ATXN1: variants seen among roughly 807,000 people sequenced by gnomAD.
ATXN1 encodes ataxin 1.
In ATXN1, 8 loss-of-function variants were observed where a neutral mutation model predicts 56.4. That is an observed-to-expected ratio of 0.14 (90% confidence interval 0.08 to 0.26). ATXN1 has a LOEUF of 0.26. ATXN1 is among the 10% of genes least tolerant of loss of function. The probability of loss-of-function intolerance (pLI) is 1.00; values close to 1 mark genes in which losing one functional copy is unlikely to be tolerated. For missense variants in ATXN1, 987 were observed against 1,106.5 expected, an observed-to-expected ratio of 0.89 and a Z score of 1.53; for synonymous variants, 514 against 494.6, an observed-to-expected ratio of 1.04 and a Z score of -0.52.
At chr6:16,482,543 GA>G (rs1760460511) in intron 6 of ATXN1, among the ~76,000 whole-genome samples, 1 of 152,176 alleles carries the variant, frequency 6.6e-6, no homozygotes, top group African/African-American at 2.4e-5. Flanking sequence ...AGAAGCTTAG[GA>G]ATGAAATATG....
chr6:16,362,946 C>G (rs1761842407), intron 6 of ATXN1, among the ~76,000 whole-genome samples: 1 of 152,210 alleles, frequency 6.6e-6, no homozygotes. Context: ...AAGCACTCTT[C>G]TAGTTGCCAT....
chr6:16,717,027 T>C lies in ATXN1; in HGVS notation c.-615+36206A>G, dbSNP rs575742250. 2.6e-4 allele frequency among the ~76,000 whole-genome samples: 40 copies of C among 152,368 alleles called. 1 individual carries two copies. Among genetic ancestry groups the C allele is most frequent in the African/African-American group, 9.1e-4 (38 of 41,590 alleles). On this transcript the variant is annotated intron_variant, in intron 2 of 7. Coordinates refer to ENST00000436367, the MANE Select transcript of ATXN1 (RefSeq NM_001128164.2). The stretch of plus-strand genomic sequence containing the variant: ...AAGAGATTGCCTAGTTAGCGGTTTA[T>C]AGTAAGAACAAAATTTAGTGGATGA...
chr6:16,677,746 G>A (rs1054349882), intron 2 of ATXN1, among the ~76,000 whole-genome samples: 2 of 152,080 alleles, frequency 1.3e-5, no homozygotes, highest in Admixed American at 6.5e-5. Context: ...TGTCTTTCAC[G>A]GGATGACTAA....
chr6:16,517,439 T>G (rs1164584814), intron 5 of ATXN1, among the ~76,000 whole-genome samples: 1 of 152,180 alleles, frequency 6.6e-6, no homozygotes, highest in Non-Finnish European at 1.5e-5. Flanking sequence ...ATTACACAAG[T>G]TAATATATGC....
At chr6:16,422,457 C>A (rs1759056312) in intron 6 of ATXN1, among the ~76,000 whole-genome samples, 1 of 152,164 alleles carries the variant, frequency 6.6e-6, no homozygotes, top group African/African-American at 2.4e-5. Flanking sequence ...TTATTTACGT[C>A]CCTGCTCTTT....
intron 6 of ATXN1, among the ~76,000 whole-genome samples, chr6:16,441,635 T>C (rs1759518647): frequency 6.6e-6 from 1 of 151,018 alleles, no homozygotes; most frequent in Non-Finnish European, 1.5e-5. Context: ...CATTCAGAAA[T>C]GAAGTGATTG....
chr6:16,313,123 G>A (rs141880614), intron 7 of ATXN1, among the ~76,000 whole-genome samples: 357 of 152,210 alleles, frequency 2.3e-3, no homozygotes, highest in African/African-American at 8.0e-3. Flanking sequence ...TAGGTGATCC[G>A]CCTGCCTTGG....
intron 2 of ATXN1, among the ~76,000 whole-genome samples, chr6:16,680,471 TA>T (rs1399926001): frequency 6.6e-6 from 1 of 152,130 alleles, no homozygotes; most frequent in Non-Finnish European, 1.5e-5. Context: ...CCGGGAGGAT[TA>T]ACAAACTGAG....
At chr6:16,450,437 T>C (rs532235442) in intron 6 of ATXN1, among the ~76,000 whole-genome samples, 1 of 152,322 alleles carries the variant, frequency 6.6e-6, no homozygotes, top group South Asian at 2.1e-4. Flanking sequence ...CCAGTGATAA[T>C]GTAGCTCCCA....
chr6:16,458,606 A>G (rs544009578), intron 6 of ATXN1, among the ~76,000 whole-genome samples: 1 of 152,298 alleles, frequency 6.6e-6, no homozygotes, highest in African/African-American at 2.4e-5. Flanking sequence ...AGATAAGAGA[A>G]AGGCCGCAGC....
At chr6:16,727,704 ATTAT>A (rs1209246808) in intron 2 of ATXN1, among the ~76,000 whole-genome samples, 1 of 152,202 alleles carries the variant, frequency 6.6e-6, no homozygotes, top group African/African-American at 2.4e-5. Flanking sequence ...CATTATTTAT[ATTAT>A]TTGTTAGCAT....
chr6:16,471,689 G>C (rs910721768), intron 6 of ATXN1, among the ~76,000 whole-genome samples: 1 of 47,592 alleles, frequency 2.1e-5, no homozygotes, highest in Non-Finnish European at 6.3e-5. Context: ...GCATGCATGC[G>C]TGTGTGTGTG....
chr6:16,581,428 AAG>A (rs1485657194), intron 4 of ATXN1, among the ~76,000 whole-genome samples: 1 of 152,108 alleles, frequency 6.6e-6, no homozygotes, highest in Non-Finnish European at 1.5e-5. Flanking sequence ...AGTAAATCCG[AAG>A]CTAAAAATGC....
intron 2 of ATXN1, among the ~76,000 whole-genome samples, chr6:16,721,995 A>G (rs896603291): frequency 3.9e-5 from 6 of 152,310 alleles, no homozygotes; most frequent in Non-Finnish European, 7.4e-5. Flanking sequence ...AGAAATGAAG[A>G]ATTCCCAACC....
At chr6:16,590,453 T>C (rs559513908) in intron 3 of ATXN1, among the ~76,000 whole-genome samples, 1 of 152,202 alleles carries the variant, frequency 6.6e-6, no homozygotes, top group Non-Finnish European at 1.5e-5. Context: ...CTCTTGCATA[T>C]TGGCCAAATT....
chr6:16,398,806 A>G (rs1016686649), intron 6 of ATXN1, among the ~76,000 whole-genome samples: 2 of 152,316 alleles, frequency 1.3e-5, no homozygotes, highest in South Asian at 2.1e-4. Flanking sequence ...TAAAAACACA[A>G]CACTGCTTAT....
chr6:16,726,593 G>C (rs143955086), intron 2 of ATXN1, among the ~76,000 whole-genome samples: 1 of 151,684 alleles, frequency 6.6e-6, no homozygotes, highest in Admixed American at 6.6e-5. Context: ...GGCCGGGCCC[G>C]GTAGCTCACA....
At chr6:16,399,508 G>C (rs1421671018) in intron 6 of ATXN1, among the ~76,000 whole-genome samples, 2 of 152,214 alleles carry the variant, frequency 1.3e-5, no homozygotes, top group Non-Finnish European at 2.9e-5. Context: ...CGAAAAGAGT[G>C]TTGCGTTCCA....
At chr6:16,350,277 A>T (rs1303794121) in intron 6 of ATXN1, among the ~76,000 whole-genome samples, 1 of 152,214 alleles carries the variant, frequency 6.6e-6, no homozygotes, top group African/African-American at 2.4e-5. Flanking sequence ...TGATGATAAT[A>T]CGTTTTCAAA....
Sources: gnomAD v4.1 joint callset for allele counts (sites outside exome capture counted in the v4.1 genomes callset) on GRCh38, gnomAD v4.1.1 for gene constraint, MANE v1.5 for transcripts, NCBI Gene and HGNC (gene_info 2026-07-23, HGNC 2026-07-21) for gene names.